The following ST8SIA1 variants were observed in gnomAD, a reference collection of about 807,000 sequenced individuals.
ST8SIA1 encodes ST8 alpha-N-acetyl-neuraminide alpha-2,8-sialyltransferase 1.
ST8SIA1 carries 16 observed loss-of-function variants against 35.9 expected under a neutral mutation model. The observed-to-expected ratio is 0.45, with a 90% CI of 0.30 to 0.68. The LOEUF (loss-of-function observed/expected upper bound fraction) is 0.68, where lower values mean the gene tolerates loss of function less well. Ranked by LOEUF, ST8SIA1 falls within the 30% of genes least tolerant of loss-of-function variation. The pLI is 0.09. For missense variants in ST8SIA1, 383 were observed against 453.6 expected, an observed-to-expected ratio of 0.84 and a Z score of 1.41; for synonymous variants, 170 against 169.6, an observed-to-expected ratio of 1.00 and a Z score of -0.02.
intron 2 of ST8SIA1, among the ~76,000 whole-genome samples, chr12:22,272,378 A>G (rs1403673780): frequency 1.3e-5 from 2 of 152,238 alleles, no homozygotes; most frequent in Non-Finnish European, 2.9e-5. Context: ...TGATTGTTCA[A>G]ACTGCCCACA....
chr12:22,309,982 C>G (rs1481766029), intron 1 of ST8SIA1, among the ~76,000 whole-genome samples: 1 of 152,112 alleles, frequency 6.6e-6, no homozygotes, highest in African/African-American at 2.4e-5. Context: ...AATGACACAG[C>G]TATGATCCAG....
chr12:22,224,700 G>A (rs984317127), intron 4 of ST8SIA1, among the ~76,000 whole-genome samples: 2 of 152,060 alleles, frequency 1.3e-5, no homozygotes, highest in African/African-American at 2.4e-5. Flanking sequence ...TTTGATTTCT[G>A]CCAGCAGAAA....
At chr12:22,287,972 A>G (rs888255868) in intron 1 of ST8SIA1, among the ~76,000 whole-genome samples, 8 of 152,240 alleles carry the variant, frequency 5.3e-5, no homozygotes, top group Admixed American at 2.6e-4. Context: ...GATGAGCTCT[A>G]TGACTTTGAC....
intron 2 of ST8SIA1, among the ~76,000 whole-genome samples, chr12:22,270,933 G>A (rs557426779): frequency 1.3e-5 from 2 of 152,150 alleles, no homozygotes; most frequent in Admixed American, 6.5e-5. Flanking sequence ...ATTAGTAAAT[G>A]GAAATACACT....
chr12:22,214,467 G>A (rs895085500), intron 4 of ST8SIA1, among the ~76,000 whole-genome samples: 1 of 152,092 alleles, frequency 6.6e-6, no homozygotes, highest in African/African-American at 2.4e-5. Flanking sequence ...AAAGACAAGA[G>A]GGAGTAGACC....
chr12:22,290,458 G>A (rs1444795935), intron 1 of ST8SIA1, among the ~76,000 whole-genome samples: 5 of 152,154 alleles, frequency 3.3e-5, no homozygotes, highest in Non-Finnish European at 7.4e-5. Context: ...CTTACCTAAA[G>A]CTGTGCTAGG....
At chr12:22,320,360 T>G (rs12310040) in intron 1 of ST8SIA1, among the ~76,000 whole-genome samples, 2,980 of 152,230 alleles carry the variant, frequency 0.02, 82 homozygotes, top group African/African-American at 0.068. Flanking sequence ...TGTTTACCAC[T>G]CCACAGGTTT....
chr12:22,225,550 A>G (rs1865347452), intron 4 of ST8SIA1, among the ~76,000 whole-genome samples: 1 of 152,162 alleles, frequency 6.6e-6, no homozygotes, highest in Non-Finnish European at 1.5e-5. Context: ...AGCTATTAAT[A>G]TTTCTTGTAA....
chr12:22,299,528 A>G (rs1460183934), intron 1 of ST8SIA1, among the ~76,000 whole-genome samples: 1 of 152,132 alleles, frequency 6.6e-6, no homozygotes, highest in Non-Finnish European at 1.5e-5. Flanking sequence ...GGCTGTATTA[A>G]AAAATGTATA....
At chr12:22,304,153 G>A (rs1352180554) in intron 1 of ST8SIA1, among the ~76,000 whole-genome samples, 1 of 152,014 alleles carries the variant, frequency 6.6e-6, no homozygotes, top group Non-Finnish European at 1.5e-5. Flanking sequence ...ACAGCAATTT[G>A]TTCCAGCTGA....
chr12:22,205,490 CA>C (rs1865096968), intron 4 of ST8SIA1, among the ~76,000 whole-genome samples: 1 of 151,840 alleles, frequency 6.6e-6, no homozygotes, highest in African/African-American at 2.4e-5. Flanking sequence ...ATAATGGGGA[CA>C]AAACCAATAA....
chr12:22,333,112 C>T (rs1320929583), intron 1 of ST8SIA1, among the ~76,000 whole-genome samples: 1 of 152,234 alleles, frequency 6.6e-6, no homozygotes, highest in Non-Finnish European at 1.5e-5. Flanking sequence ...TATTTTTAGA[C>T]ATTTAATCTA....
intron 1 of ST8SIA1, among the ~76,000 whole-genome samples, chr12:22,294,966 T>G (rs2135821221): frequency 1.3e-5 from 2 of 152,236 alleles, no homozygotes; most frequent in Middle Eastern, 3.4e-3. Flanking sequence ...TGGAAGTGAC[T>G]GGACCCATTC....
Position 22,250,455 on chromosome 12 carries a change from G to A in ST8SIA1, c.492-1357C>T, listed in dbSNP as rs182098231. 3.2e-4 allele frequency among the ~76,000 whole-genome samples: 48 copies of A among 152,128 alleles called. 1 individual carries two copies. The highest frequency in any genetic ancestry group is 1.1e-3 in the African/African-American group (44 of 41,506). On this transcript the variant is annotated intron_variant, in intron 3 of 4. Coordinates refer to ENST00000396037, the MANE Select transcript of ST8SIA1 (RefSeq NM_003034.4). ...TATTATCTATGAAAATGCCAAATGC[G>A]CCTATAGTTTCCATTATGCTTTCTT...
chr12:22,217,760 T>A (rs1865250272), intron 4 of ST8SIA1, among the ~76,000 whole-genome samples: 1 of 152,194 alleles, frequency 6.6e-6, no homozygotes, highest in Non-Finnish European at 1.5e-5. Flanking sequence ...ATTATCATCA[T>A]CATCATTACT....
chr12:22,297,539 A>T (rs1393967612), intron 1 of ST8SIA1, among the ~76,000 whole-genome samples: 3 of 152,100 alleles, frequency 2.0e-5, no homozygotes, highest in African/African-American at 4.8e-5. Context: ...TTCCGTGTAA[A>T]CACAAGTCAA....
intron 4 of ST8SIA1, among the ~76,000 whole-genome samples, chr12:22,209,705 C>CT (rs1865156796): frequency 1.3e-5 from 2 of 152,290 alleles, no homozygotes; most frequent in African/African-American, 4.8e-5. Context: ...TCATAGAAGC[C>CT]TTTACTGCCA....
intron 3 of ST8SIA1, 144 bp downstream of exon 3, chr12:22,255,136 T>C: frequency 1.5e-6 from 1 of 679,898 alleles, no homozygotes; most frequent in African/African-American, 1.8e-5. Flanking sequence ...CTAAACTCGC[T>C]TGTCTATGAG....
chr12:22,271,959 TTA>T (rs1199345823), intron 2 of ST8SIA1, among the ~76,000 whole-genome samples: 1 of 152,218 alleles, frequency 6.6e-6, no homozygotes, highest in Non-Finnish European at 1.5e-5. Context: ...ACCATTATTT[TTA>T]TTCATATGAT....
Sources: gnomAD v4.1 joint callset for allele counts (sites outside exome capture counted in the v4.1 genomes callset) on GRCh38, gnomAD v4.1.1 for gene constraint, MANE v1.5 for transcripts, NCBI Gene and HGNC (gene_info 2026-07-23, HGNC 2026-07-21) for gene names.